FLNB: variants seen among roughly 807,000 people sequenced by gnomAD.
FLNB encodes filamin-B.
Under a neutral mutation model 250.6 loss-of-function variants are expected in FLNB, and 111 were observed. The ratio of observed to expected loss-of-function variants is 0.44; its 90% confidence interval spans 0.38 to 0.52. The LOEUF (loss-of-function observed/expected upper bound fraction) is 0.52. FLNB is among the 20% of genes least tolerant of loss of function. The pLI is 0.00. For missense variants in FLNB, 2,869 were observed against 3,447.8 expected (o/e 0.83, Z 4.20); for synonymous variants, 1,302 against 1,372.1 (o/e 0.95, Z 1.13).
rs1462635975 is a variant in FLNB, at chr3:58,008,427, A to C, written c.-138A>C. On this transcript the variant is annotated 5_prime_UTR_variant, in exon 1 of 46. Transcript: ENST00000295956. ...GGCCAGGGGCGGGCGGCCGCAGAGCAGCACCGGCCGTGGCTCCGGTAGCAG... is the reference window on the plus strand; with the variant it reads ...GGCCAGGGGCGGGCGGCCGCAGAGCCGCACCGGCCGTGGCTCCGGTAGCAG... 1 of 1,038,776 alleles carries C rather than the reference A, an allele frequency of 9.6e-7. No homozygotes were observed. The allele number at this position is 1,038,776 out of a possible 1,614,324, so 64.3% of individuals were successfully genotyped here.
At chr3:58,071,133 G>T (rs531087492) in intron 1 of FLNB, among the ~76,000 whole-genome samples, 1 of 151,612 alleles carries the variant, frequency 6.6e-6, no homozygotes, top group Admixed American at 6.6e-5. Context: ...TTTATTATTT[G>T]TAGGGACAGG....
At chr3:58,134,257 A>G (rs2097312518) in intron 26 of FLNB, among the ~76,000 whole-genome samples, 1 of 152,194 alleles carries the variant, frequency 6.6e-6, no homozygotes, top group South Asian at 2.1e-4. Context: ...AGAAGGATCT[A>G]GATTGCACAC....
intron 18 of FLNB, among the ~76,000 whole-genome samples, chr3:58,116,228 A>G (rs1377866827): frequency 6.6e-6 from 1 of 152,220 alleles, no homozygotes; most frequent in African/African-American, 2.4e-5. Flanking sequence ...GATGTGGTTA[A>G]GAGACCTGGG....
intron 1 of FLNB, among the ~76,000 whole-genome samples, chr3:58,019,241 C>G (rs368672925): frequency 6.6e-6 from 1 of 152,148 alleles, no homozygotes; most frequent in African/African-American, 2.4e-5. Flanking sequence ...GATGGCCAAC[C>G]ACTAATCAAT....
At position 58,078,761 on chromosome 3, in the gene FLNB, G is replaced by A. The variant is rs781124586; in HGVS notation, c.586G>A (p.Asp196Asn). The A allele has an allele frequency of 2.5e-6, 4 of 1,613,984 alleles. No homozygotes were observed. Among genetic ancestry groups the A allele is most frequent in the Non-Finnish European group, 3.4e-6 (4 of 1,179,964 alleles). Residue 196 changes from aspartate to asparagine, a missense_variant, in exon 3 of 46, where the codon GAT becomes AAT. By Grantham distance (23) the Asp-to-Asn change is conservative (BLOSUM62 1). Coordinates refer to ENST00000295956, the MANE Select transcript of FLNB (RefSeq NM_001457.4). ...ATCCTGGGACCCGCAGAAGCCTGTG[G>A]ATAATGCACGAGAAGCCATGCAGCA... ...WESWDPQKPV[D>N]NAREAMQQAD...
intron 24 of FLNB, among the ~76,000 whole-genome samples, chr3:58,128,886 T>C (rs529207906): frequency 5.3e-5 from 8 of 152,284 alleles, no homozygotes; most frequent in Admixed American, 5.2e-4. Flanking sequence ...GGTGCCTTTT[T>C]ATGTTTCAGG....
chr3:58,011,027 G>C (rs1000568146), intron 1 of FLNB, among the ~76,000 whole-genome samples: 1 of 152,130 alleles, frequency 6.6e-6, no homozygotes, highest in Non-Finnish European at 1.5e-5. Flanking sequence ...CGATTCTTCT[G>C]CCTCAGCCTC....
At chr3:58,026,246 G>A (rs1217358050) in intron 1 of FLNB, among the ~76,000 whole-genome samples, 1 of 152,200 alleles carries the variant, frequency 6.6e-6, no homozygotes, top group Admixed American at 6.5e-5. Flanking sequence ...TGACTGCCTT[G>A]TGTGCTTTCA....
chr3:58,096,079 C>T, intron 5 of FLNB, 62 bp from the exon 6 acceptor site: 1 of 1,317,656 alleles, frequency 7.6e-7, no homozygotes, highest in South Asian at 1.2e-5. Context: ...CCCCTGCTGA[C>T]ACAGCATGCT....
chr3:58,018,385 A>G (rs1488023550), intron 1 of FLNB, among the ~76,000 whole-genome samples: 3 of 117,572 alleles, frequency 2.6e-5, no homozygotes, highest in Non-Finnish European at 4.8e-5. Flanking sequence ...ACCAGGCTGG[A>G]GTGTAGTGGT....
intron 1 of FLNB, among the ~76,000 whole-genome samples, chr3:58,027,761 T>G (rs1287865820): frequency 6.6e-6 from 1 of 152,240 alleles, no homozygotes; most frequent in African/African-American, 2.4e-5. Flanking sequence ...CTATTTCATT[T>G]TTCACTTAAT....
At chr3:58,019,481 A>G (rs1324437337) in intron 1 of FLNB, among the ~76,000 whole-genome samples, 3 of 152,208 alleles carry the variant, frequency 2.0e-5, no homozygotes, top group Non-Finnish European at 4.4e-5. Context: ...TTAGGTTGAC[A>G]TCTGTTTCCA....
rs149404157 is a variant in FLNB at position 58,123,302 on chromosome 3, C to T, written c.3336C>T (p.Leu1112=). Residue 1112 remains leucine, a synonymous_variant, in exon 21 of 46, where the codon CTC becomes CTT. Coordinates refer to ENST00000295956, the MANE Select transcript of FLNB (RefSeq NM_001457.4). ...TKPGEYFVNI[L]FEEVHIPGSP... is the part of the protein sequence containing the mutation. Reference sequence around the variant, plus strand: ...CCGGGGAGTACTTCGTCAACATCCTCTTTGAAGAAGTCCACATACCTGGGT... The same window carrying T: ...CCGGGGAGTACTTCGTCAACATCCTTTTTGAAGAAGTCCACATACCTGGGT... 26 of 1,614,068 alleles carry T rather than the reference C, an allele frequency of 1.6e-5. No individual in the cohort carries two copies. Among genetic ancestry groups the T allele is most frequent in the Non-Finnish European group, 2.1e-5 (25 of 1,180,038 alleles).
rs2097352708 is a variant in FLNB at position 58,155,964 on chromosome 3, C to T, written c.6777C>T (p.Asn2259=). ...GGGACTTTCCTGTCCTCATAGGTAACTACGAGGTGTCCATCAAGTTCAATG... is the reference window on the plus strand; with the variant it reads ...GGGACTTTCCTGTCCTCATAGGTAATTACGAGGTGTCCATCAAGTTCAATG... The part of the protein sequence containing the change: ...GVSYIAQEPG[N]YEVSIKFNDE... The change falls in exon 41 of 46, where the codon AAC becomes AAT. Residue 2259 remains asparagine, a synonymous_variant. Transcript: ENST00000295956. 2 of 1,609,924 alleles carry T rather than the reference C, an allele frequency of 1.2e-6. No individual in the cohort carries two copies. Among genetic ancestry groups the T allele is most frequent in the Admixed American group, 1.7e-5 (1 of 59,998 alleles).
intron 19 of FLNB, among the ~76,000 whole-genome samples, chr3:58,119,813 G>A (rs1398330453): frequency 6.6e-6 from 1 of 152,110 alleles, no homozygotes; most frequent in Non-Finnish European, 1.5e-5. Flanking sequence ...TCTTCTCTCT[G>A]CATCTATACA....
At chr3:58,113,369 TAGG>T (rs1172098528) in intron 18 of FLNB, among the ~76,000 whole-genome samples, 12 of 152,212 alleles carry the variant, frequency 7.9e-5, no homozygotes, top group Admixed American at 2.6e-4. Context: ...ATGCCATTTG[TAGG>T]AGAAGAAGGG....
At chr3:58,051,192 C>T (rs2097161722) in intron 1 of FLNB, among the ~76,000 whole-genome samples, 1 of 152,232 alleles carries the variant, frequency 6.6e-6, no homozygotes, top group African/African-American at 2.4e-5. Flanking sequence ...CTCTAACACC[C>T]TTCTGCTTCC....
intron 1 of FLNB, among the ~76,000 whole-genome samples, chr3:58,075,753 AT>A (rs377620310): frequency 6.6e-6 from 1 of 152,200 alleles, no homozygotes; most frequent in African/African-American, 2.4e-5. Context: ...GAATTGACAC[AT>A]TGTGGAAACT....
chr3:58,110,744 C>A (rs1373650930), intron 16 of FLNB, among the ~76,000 whole-genome samples: 1 of 152,190 alleles, frequency 6.6e-6, no homozygotes, highest in Admixed American at 6.5e-5. Flanking sequence ...CCGTGCCTGG[C>A]CACTCAGCTA....
Sources: gnomAD v4.1 joint callset for allele counts (sites outside exome capture counted in the v4.1 genomes callset) on GRCh38, gnomAD v4.1.1 for gene constraint, MANE v1.5 for transcripts, NCBI Gene and HGNC (gene_info 2026-07-23, HGNC 2026-07-21) for gene names.